Variants in COX16 observed in about 807,000 individuals in gnomAD.
The protein encoded by COX16 is cytochrome c oxidase assembly factor COX16.
Under a neutral mutation model 15.4 loss-of-function variants are expected in COX16, and 12 were observed. The ratio of observed to expected loss-of-function variants is 0.78; its 90% CI spans 0.50 to 1.26. The LOEUF is 1.26. Among genes scored for constraint, COX16 ranks in the 50% most tolerant of loss-of-function variants. The probability of loss-of-function intolerance (pLI) is 0.00; values close to 1 mark genes in which losing one functional copy is unlikely to be tolerated. For missense variants in COX16, 124 were observed against 127.6 expected, an observed-to-expected ratio of 0.97 and a Z score of 0.14; for synonymous variants, 46 against 41.1, an observed-to-expected ratio of 1.12 and a Z score of -0.46.
intron 2 of COX16, among the ~76,000 whole-genome samples, chr14:70,335,059 TATATC>T (rs1469277615): frequency 7.9e-5 from 12 of 152,144 alleles, no homozygotes; most frequent in Admixed American, 2.0e-4. Flanking sequence ...TAGCTATACT[TATATC>T]AGATAAAATA....
intron 3 of COX16, 69 bp downstream of exon 3, chr14:70,329,105 A>G: frequency 1.4e-6 from 2 of 1,469,306 alleles, no homozygotes; most frequent in Non-Finnish European, 1.8e-6. Flanking sequence ...CTGTACTACT[A>G]ATACTTTTAA....
At chr14:70,346,572 T>G (rs1351584929) in intron 1 of COX16, among the ~76,000 whole-genome samples, 1 of 152,216 alleles carries the variant, frequency 6.6e-6, no homozygotes, top group Non-Finnish European at 1.5e-5. Context: ...TGGATCTCAT[T>G]GGCCTTGCCG....
At chr14:70,334,862 AAC>A (rs1305394194) in intron 2 of COX16, among the ~76,000 whole-genome samples, 1 of 152,220 alleles carries the variant, frequency 6.6e-6, no homozygotes, top group Non-Finnish European at 1.5e-5. Context: ...TATCAATAAT[AAC>A]AGTGAATGTA....
At chr14:70,359,173 T>C (rs1232077729) in intron 1 of COX16, 1 of 473,222 alleles carries the variant, frequency 2.1e-6, no homozygotes, top group Non-Finnish European at 4.2e-6. Context: ...CAAACTTGGC[T>C]TAAAGTGTGG....
chr14:70,354,609 AG>A (rs1887066109), intron 1 of COX16, among the ~76,000 whole-genome samples: 1 of 152,216 alleles, frequency 6.6e-6, no homozygotes, highest in Non-Finnish European at 1.5e-5. Flanking sequence ...AGAACACAGA[AG>A]CTCTGCATGC....
At chr14:70,342,622 G>A (rs1566601850) in intron 2 of COX16, 36 bp downstream of exon 2, 1 of 1,599,346 alleles carries the variant, frequency 6.3e-7, no homozygotes, top group South Asian at 1.1e-5. Flanking sequence ...CATACATATA[G>A]ACAGACACAT....
chr14:70,353,153 C>A (rs7152898), intron 1 of COX16, among the ~76,000 whole-genome samples: 78,211 of 149,854 alleles, frequency 0.52, 20,591 homozygotes, highest in South Asian at 0.59. Context: ...CCCAGCTGTT[C>A]GGGAGGCTGA....
chr14:70,327,155 G>GA (rs935262945), intron 3 of COX16, among the ~76,000 whole-genome samples: 120 of 151,104 alleles, frequency 7.9e-4, no homozygotes, highest in African/African-American at 2.6e-3. Context: ...GAGTAAGATG[G>GA]AAAAAAAAAG....
Position 70,326,138 on chromosome 14 carries a change from C to A in COX16, c.*195G>T. 1 of 342,350 alleles carries A rather than the reference C, an allele frequency of 2.9e-6. No individual in the cohort carries two copies. Among genetic ancestry groups the A allele is most frequent in the Non-Finnish European group, 5.1e-6 (1 of 197,920 alleles). 21.2% of individuals were successfully genotyped at this position (342,350 alleles called of 1,614,324 possible). On this transcript the variant is annotated 3_prime_UTR_variant, in exon 4 of 4. Coordinates refer to ENST00000389912, the MANE Select transcript of COX16 (RefSeq NM_016468.7). ...ACGTGGCCAACATTGTTACTTTCAT[C>A]CACAGATGGAATAGCTGGGAAGTAT...
At chr14:70,337,247 C>T (rs1205515234) in intron 2 of COX16, among the ~76,000 whole-genome samples, 1 of 152,086 alleles carries the variant, frequency 6.6e-6, no homozygotes, top group Non-Finnish European at 1.5e-5. Flanking sequence ...CAATTTAAAG[C>T]CATGTAGGTC....
rs573618970 is a variant in COX16 at position 70,342,698 on chromosome 14, C to T, written c.101G>A (p.Arg34His). ...ATCATATCGGATTTGAGAAAACTCA[C>T]GAAGACCAAAAGAACCTCCAACAAT... ...LLIVGGSFGL[R>H]EFSQIRYDAV... Residue 34 changes from arginine (R) to histidine (H), a missense_variant, in exon 2 of 4, where the codon CGT becomes CAT. Physicochemically the swap from Arg to His is conservative, Grantham distance 29. Transcript: ENST00000389912. The T allele has an allele frequency of 1.6e-5, 26 of 1,612,850 alleles. No individual in the cohort carries two copies. The highest frequency in any genetic ancestry group is 7.7e-5 in the South Asian group (7 of 90,594).
intron 2 of COX16, among the ~76,000 whole-genome samples, chr14:70,336,431 TATG>T (rs1336610497): frequency 6.6e-6 from 1 of 152,198 alleles, no homozygotes; most frequent in Non-Finnish European, 1.5e-5. Flanking sequence ...GTTTTCAGTT[TATG>T]ATAATTTATT....
intron 1 of COX16, among the ~76,000 whole-genome samples, chr14:70,342,944 C>T (rs553330823): frequency 1.7e-4 from 26 of 152,148 alleles, no homozygotes; most frequent in Non-Finnish European, 3.2e-4. Context: ...ATACCAAAAT[C>T]GTCACCCTAT....
intron 2 of COX16, among the ~76,000 whole-genome samples, chr14:70,330,871 T>C (rs376626706): frequency 1.1e-3 from 168 of 152,222 alleles, no homozygotes; most frequent in African/African-American, 3.8e-3. Flanking sequence ...AAAAAATCAA[T>C]TCCACATAGA....
intron 2 of COX16, among the ~76,000 whole-genome samples, chr14:70,341,921 G>A (rs2140718559): frequency 6.6e-6 from 1 of 152,004 alleles, no homozygotes; most frequent in Non-Finnish European, 1.5e-5. Context: ...TATAAATGTA[G>A]CTGTCTTTAT....
intron 1 of COX16, among the ~76,000 whole-genome samples, chr14:70,344,840 A>G (rs1198704277): frequency 6.6e-6 from 1 of 152,144 alleles, no homozygotes; most frequent in Non-Finnish European, 1.5e-5. Flanking sequence ...GGTACAACAG[A>G]GCAATTATGT....
chr14:70,353,505 G>C lies in COX16; in HGVS notation c.69+6014C>G, dbSNP rs915080807. Among the ~76,000 whole-genome samples the C allele has an allele frequency of 2.5e-4, 37 of 150,418 alleles. 1 individual carries two copies. The highest frequency in any genetic ancestry group is 1.7e-3 in the Admixed American group (25 of 15,088). On this transcript the variant is annotated intron_variant, in intron 1 of 3. Transcript: ENST00000389912. The stretch of plus-strand genomic sequence containing the variant: ...ACACACACATAGAGATAGATAGATA[G>C]ATAGATATACACATATTTTTTTGTG...
rs990527639 is a variant in COX16, at chr14:70,329,104, T to TA, written c.204+69dup. 5 of 1,463,782 alleles carry TA rather than the reference T, an allele frequency of 3.4e-6. No homozygotes were observed. The African/African-American group carries it at 5.7e-5, about 17-fold the overall frequency. 90.7% of individuals were successfully genotyped at this position (1,463,782 alleles called of 1,614,324 possible). ...TCAACGTAATTTTTTTCTGTACTAC[T>TA]AATACTTTTAAGGCAGATAAAACCA... is the stretch of plus-strand genomic sequence containing the variant. On this transcript the variant is annotated intron_variant, in intron 3 of 3. Transcript: ENST00000389912.
intron 1 of COX16, among the ~76,000 whole-genome samples, chr14:70,343,902 A>T (rs905330101): frequency 2.0e-5 from 3 of 152,192 alleles, no homozygotes; most frequent in African/African-American, 4.8e-5. Flanking sequence ...CCGGAGTTTT[A>T]TTATTACTCA....
Sources: allele counts gnomAD v4.1 joint callset (sites outside exome capture counted in the v4.1 genomes callset), GRCh38; gene constraint gnomAD v4.1.1; transcripts MANE v1.5; gene names NCBI Gene and HGNC (gene_info 2026-07-23, HGNC 2026-07-21).